The following AGMO variants were observed in gnomAD, a reference collection of about 807,000 sequenced individuals.
The protein encoded by AGMO is glyceryl-ether monooxygenase.
In AGMO, 75 loss-of-function variants were observed where a neutral mutation model predicts 60.2. The ratio of observed to expected loss-of-function variants is 1.25; its 90% CI spans 1.03 to 1.51. The LOEUF (loss-of-function observed/expected upper bound fraction) is 1.51, where lower values mean the gene tolerates loss of function less well. AGMO is among the 40% of genes most tolerant of loss of function. The probability of loss-of-function intolerance (pLI) is 0.00; values close to 1 mark genes in which losing one functional copy is unlikely to be tolerated. For synonymous variants in AGMO, 261 were observed against 177.1 expected (o/e 1.47, Z -3.76); for missense variants, 763 against 525.5 (o/e 1.45, Z -4.42).
chr7:15,401,028 A>C (rs1410575084), intron 5 of AGMO, among the ~76,000 whole-genome samples: 1 of 152,080 alleles, frequency 6.6e-6, no homozygotes. Flanking sequence ...GTCTGAAATA[A>C]TTTTCCTATG....
chr7:15,379,342 A>T (rs1178928972), intron 10 of AGMO, among the ~76,000 whole-genome samples: 2 of 152,098 alleles, frequency 1.3e-5, no homozygotes, highest in African/African-American at 4.8e-5. Context: ...TTTTGGGGAA[A>T]ACATTAATCA....
At chr7:15,182,184 TC>T in the AGMO span, among the ~76,000 whole-genome samples, 1 of 152,158 alleles carries the variant, frequency 6.6e-6, no homozygotes, top group East Asian at 1.9e-4. Flanking sequence ...AATGGTGTTT[TC>T]TTAGGTTTGG....
At chr7:15,342,863 A>G (rs1781909104) in intron 12 of AGMO, among the ~76,000 whole-genome samples, 1 of 150,252 alleles carries the variant, frequency 6.7e-6, no homozygotes, top group Non-Finnish European at 1.5e-5. Context: ...AAGTTCATTA[A>G]TTCTCTGGGC....
rs181107382 is a variant in AGMO, at chr7:15,417,556, T to C, written c.609+1002A>G. Among the ~76,000 whole-genome samples the C allele has an allele frequency of 5.7e-3, 863 of 152,334 alleles. 1 individual carries two copies. The highest frequency in any genetic ancestry group is 0.027 in the Middle Eastern group (8 of 294). ...GGTCTTTGACCTCTAGAGTCAGAAT[T>C]GGCCGCAACATCTCTTTCAGATGGT... On this transcript the variant is annotated intron_variant, in intron 5 of 12. Coordinates refer to ENST00000342526, the MANE Select transcript of AGMO (RefSeq NM_001004320.2).
intron 12 of AGMO, among the ~76,000 whole-genome samples, chr7:15,288,058 C>A (rs1282634223): frequency 6.6e-6 from 1 of 151,776 alleles, no homozygotes; most frequent in Non-Finnish European, 1.5e-5. Context: ...GCATCTGGCT[C>A]TGTAGCCCAG....
intron 12 of AGMO, among the ~76,000 whole-genome samples, chr7:15,320,706 C>T (rs898966983): frequency 6.6e-6 from 1 of 151,926 alleles, no homozygotes; most frequent in African/African-American, 2.4e-5. Flanking sequence ...TTAAATGAGA[C>T]GATATATATC....
intron 3 of AGMO, among the ~76,000 whole-genome samples, chr7:15,507,005 T>C (rs1783527440): frequency 6.6e-6 from 1 of 151,924 alleles, no homozygotes; most frequent in Non-Finnish European, 1.5e-5. Flanking sequence ...GAAAAGGAAA[T>C]AAAATTTCCA....
intron 12 of AGMO, among the ~76,000 whole-genome samples, chr7:15,288,342 A>C (rs979025851): frequency 6.6e-6 from 1 of 152,196 alleles, no homozygotes; most frequent in Non-Finnish European, 1.5e-5. Flanking sequence ...AAATTTATAA[A>C]TATAAGGTAT....
chr7:15,445,565 T>C (rs528124836), intron 3 of AGMO, among the ~76,000 whole-genome samples: 10 of 152,304 alleles, frequency 6.6e-5, no homozygotes, highest in African/African-American at 2.4e-4. Context: ...ATGATAAAAT[T>C]AATCCTTAAT....
chr7:15,530,912 GTTTA>G (rs906812667), intron 3 of AGMO, among the ~76,000 whole-genome samples: 1 of 135,212 alleles, frequency 7.4e-6, no homozygotes, highest in Non-Finnish European at 1.6e-5. Flanking sequence ...GACCATTTTT[GTTTA>G]TTTATTTTGA....
At chr7:15,431,375 C>T (rs1038318282) in intron 3 of AGMO, among the ~76,000 whole-genome samples, 1 of 151,782 alleles carries the variant, frequency 6.6e-6, no homozygotes, top group African/African-American at 2.4e-5. Context: ...AACAAACTGA[C>T]ATTAATTCCA....
chr7:15,314,604 C>A (rs1583396562), intron 12 of AGMO, among the ~76,000 whole-genome samples: 1 of 152,054 alleles, frequency 6.6e-6, no homozygotes, highest in South Asian at 2.1e-4. Flanking sequence ...TATTTAACTT[C>A]AAAAATGTTA....
chr7:15,309,334 G>A (rs1370395738), intron 12 of AGMO, among the ~76,000 whole-genome samples: 4 of 152,092 alleles, frequency 2.6e-5, no homozygotes, highest in Non-Finnish European at 4.4e-5. Flanking sequence ...CAATAAAAAA[G>A]ATGATCAGCA....
chr7:15,550,847 A>G (rs552598251), intron 2 of AGMO, among the ~76,000 whole-genome samples: 260 of 141,020 alleles, frequency 1.8e-3, no homozygotes, highest in African/African-American at 6.1e-3. Context: ...TACCAAAGCC[A>G]GGCAGAGACA....
chr7:15,398,798 C>T (rs1258310055), intron 5 of AGMO, among the ~76,000 whole-genome samples: 2 of 152,016 alleles, frequency 1.3e-5, no homozygotes, highest in African/African-American at 4.8e-5. Context: ...TCCAATACTT[C>T]ATTATTTTTA....
At chr7:15,517,548 C>T (rs1029450625) in intron 3 of AGMO, among the ~76,000 whole-genome samples, 3 of 151,288 alleles carry the variant, frequency 2.0e-5, no homozygotes, top group Non-Finnish European at 4.4e-5. Context: ...TCGCCTCACC[C>T]GGGAAGTGCA....
At chr7:15,532,152 T>C (rs1784385069) in intron 3 of AGMO, among the ~76,000 whole-genome samples, 1 of 152,218 alleles carries the variant, frequency 6.6e-6, no homozygotes, top group Admixed American at 6.5e-5. Flanking sequence ...AGTAAATGTT[T>C]TGAAAACCTT....
chr7:15,359,312 T>G (rs1029464754), intron 12 of AGMO, among the ~76,000 whole-genome samples: 8 of 146,292 alleles, frequency 5.5e-5, no homozygotes, highest in African/African-American at 1.0e-4. Context: ...AAAAAAGAAA[T>G]TAGATTTATT....
chr7:15,306,444 A>G, intron 12 of AGMO: 1 of 454,464 alleles, frequency 2.2e-6, no homozygotes, highest in Non-Finnish European at 4.5e-6. Context: ...AATAGGAAAC[A>G]TATTCTTCTG....
Sources: allele counts gnomAD v4.1 joint callset (sites outside exome capture counted in the v4.1 genomes callset), GRCh38; gene constraint gnomAD v4.1.1; transcripts MANE v1.5; gene names NCBI Gene and HGNC (gene_info 2026-07-23, HGNC 2026-07-21).